CCDC187: variants seen among roughly 807,000 people sequenced by gnomAD.
The protein encoded by CCDC187 is coiled-coil domain-containing protein 187.
A neutral mutation model predicts 38.0 loss-of-function variants in CCDC187; 32 were observed. That is an observed-to-expected ratio of 0.84 (90% confidence interval 0.64 to 1.13). The LOEUF (loss-of-function observed/expected upper bound fraction) is 1.13, where lower values mean the gene tolerates loss of function less well. Ranked by LOEUF, CCDC187 falls within the 50% of genes most tolerant of loss-of-function variation. The pLI is 0.00. For missense variants in CCDC187, 707 were observed against 786.8 expected, an observed-to-expected ratio of 0.90 and a Z score of 1.21; for synonymous variants, 333 against 347.9, an observed-to-expected ratio of 0.96 and a Z score of 0.48.
At position 136,290,020 on chromosome 9, in the gene CCDC187, C is replaced by T. The variant is rs984554678; in HGVS notation, c.2161G>A (p.Val721Met). ...LEASGSLESPVLEWSKVTSGM... is the reference protein window; with the variant it reads ...LEASGSLESPMLEWSKVTSGM... ...GAGGTCACTTTGCTCCATTCCAGCA[C>T]TGGGGACTCCAGGCTCCCGGAGGCT... Residue 721 changes from valine (V) to methionine (M), a missense_variant, in exon 7 of 26, where the codon GTG becomes ATG. By Grantham distance (21) the Val-to-Met change is conservative. Transcript: ENST00000638797. 2.5e-6 allele frequency: 1 copy of T among 398,780 alleles called. No homozygotes were observed. The highest frequency in any genetic ancestry group is 4.4e-6 in the Non-Finnish European group (1 of 226,206). The allele number at this position is 398,780 out of a possible 1,614,324, so 24.7% of individuals were successfully genotyped here. A position where few individuals can be genotyped will look rare whatever the true frequency, so the allele number is the denominator to read the frequency against.
chr9:136,255,599 G>GGGGGACCCTTAGT, intron 25 of CCDC187, 58 bp downstream of exon 25: 1 of 792,346 alleles, frequency 1.3e-6, no homozygotes, highest in Non-Finnish European at 1.5e-6. Context: ...GAAATGGCTT[G>GGGGGACCCTTAGT]GGGGACCCTT....
chr9:136,293,443 T>TCACACATGCTCA lies in CCDC187; in HGVS notation c.833-1160_833-1149dup, dbSNP rs1831422026. On this transcript the variant is annotated intron_variant, in intron 4 of 25. Transcript: ENST00000638797. Reference sequence around the variant, plus strand: ...CACATACTCTCACATGCTCACACACTCACACATGCTCACACTCACACTCAC... The same window carrying TCACACATGCTCA: ...CACATACTCTCACATGCTCACACACTCACACATGCTCACACACATGCTCACACTCACACTCAC... 7.3e-4 allele frequency among the ~76,000 whole-genome samples: 24 copies of TCACACATGCTCA among 32,926 alleles called. 1 individual carries two copies. Among genetic ancestry groups the TCACACATGCTCA allele is most frequent in the East Asian group, 3.1e-3 (2 of 636 alleles). 21.6% of individuals were successfully genotyped at this position (32,926 alleles called of 152,430 possible).
At chr9:136,290,275 A>G (rs1193844198) in intron 6 of CCDC187, among the ~76,000 whole-genome samples, 3 of 151,934 alleles carry the variant, frequency 2.0e-5, no homozygotes, top group Non-Finnish European at 4.4e-5. Context: ...CTGACCCTGC[A>G]CCTCACCAGG....
At chr9:136,284,166 G>A (rs1279567628) in intron 9 of CCDC187, among the ~76,000 whole-genome samples, 2 of 152,046 alleles carry the variant, frequency 1.3e-5, no homozygotes, top group Non-Finnish European at 2.9e-5. Flanking sequence ...CTGGGCTTCG[G>A]GAGAGGGCGC....
At chr9:136,290,391 C>A (rs1459616407) in intron 6 of CCDC187, 95 bp downstream of exon 6, 2 of 397,794 alleles carry the variant, frequency 5.0e-6, no homozygotes, top group Non-Finnish European at 8.8e-6. Context: ...CGGCCACTCC[C>A]TGGAGGACAC....
At chr9:136,267,230 C>T in intron 16 of CCDC187, 154 bp downstream of exon 16, 1 of 285,928 alleles carries the variant, frequency 3.5e-6, no homozygotes, top group Non-Finnish European at 5.2e-6. Flanking sequence ...ACACCTATTA[C>T]TGTTTGGACC....
At chr9:136,263,870 G>C (rs530518825) in intron 17 of CCDC187, 72 bp from the exon 18 acceptor site, 1 of 948,298 alleles carries the variant, frequency 1.1e-6, no homozygotes, top group Non-Finnish European at 1.3e-6. Flanking sequence ...CAAAAGGGAA[G>C]GGGTGTCTGG....
At chr9:136,293,407 A>ACTCACATGCTCACATACT (rs1358551027) in intron 4 of CCDC187, among the ~76,000 whole-genome samples, 1 of 97,782 alleles carries the variant, frequency 1.0e-5, no homozygotes, top group Non-Finnish European at 2.1e-5. Context: ...ACTCACAAAC[A>ACTCACATGCTCACATACT]CTCACATGCT....
chr9:136,293,439 ACACT>A (rs1430956540), intron 4 of CCDC187, among the ~76,000 whole-genome samples: 3 of 25,224 alleles, frequency 1.2e-4, no homozygotes, highest in Non-Finnish European at 2.0e-4. Flanking sequence ...ACATGCTCAC[ACACT>A]CACACATGCT....
At chr9:136,293,360 T>A (rs1191349120) in intron 4 of CCDC187, among the ~76,000 whole-genome samples, 6 of 87,574 alleles carry the variant, frequency 6.9e-5, no homozygotes, top group East Asian at 6.6e-4. Context: ...CTCACACACA[T>A]TCACATGCTC....
Position 136,258,540 on chromosome 9 carries a change from C to CG in CCDC187, c.4366+391dup, listed in dbSNP as rs150213476. The stretch of plus-strand genomic sequence containing the variant: ...ACCTGCAAATTGGGGACTTGGCTCT[C>CG]GGGGGGGGCCCCGGCCAAGTGTAAG... On this transcript the variant is annotated intron_variant, in intron 22 of 25. Transcript: ENST00000638797. The surrounding 1 kb of genome is among the most constrained non-coding windows in gnomAD (Gnocchi z 4.3). Among the ~76,000 whole-genome samples, 3,997 of 151,554 alleles carry CG rather than the reference C, an allele frequency of 0.026. 225 individuals carry two copies. Among genetic ancestry groups the CG allele is most frequent in the East Asian group, 0.23 (1,140 of 5,042 alleles).
At chr9:136,272,488 A>G (rs1406281531) in intron 14 of CCDC187, among the ~76,000 whole-genome samples, 2 of 152,126 alleles carry the variant, frequency 1.3e-5, no homozygotes, top group Non-Finnish European at 2.9e-5. Flanking sequence ...GGATCACCTG[A>G]GGTCAGGACT....
chr9:136,287,560 C>T (rs1831211037), intron 7 of CCDC187, among the ~76,000 whole-genome samples: 1 of 152,190 alleles, frequency 6.6e-6, no homozygotes, highest in African/African-American at 2.4e-5. Flanking sequence ...TTTAGTCAGT[C>T]AGGGAGTTGG....
In CCDC187 at chr9:136,253,576, C is replaced by A; in HGVS notation, c.*18G>T. On this transcript the variant is annotated 3_prime_UTR_variant, in exon 26 of 26. Transcript: ENST00000638797. Reference sequence around the variant, plus strand: ...CAACGCTTCCACCCGGACCAGCCACCCCTGGGCAGAGCCCCAACTACTGGG... The same window carrying A: ...CAACGCTTCCACCCGGACCAGCCACACCTGGGCAGAGCCCCAACTACTGGG... The A allele has an allele frequency of 1.0e-6, 1 of 985,048 alleles. No homozygotes were observed. Among genetic ancestry groups the A allele is most frequent in the Non-Finnish European group, 1.2e-6 (1 of 829,526 alleles). The allele number at this position is 985,048 out of a possible 1,614,324, so 61.0% of individuals were successfully genotyped here.
chr9:136,290,729 C>A lies in CCDC187; in HGVS notation c.1884G>T (p.Gly628=), dbSNP rs888809563. The change falls in exon 6 of 26, where the codon GGG becomes GGT. Residue 628 remains glycine (G), a synonymous_variant. Coordinates refer to ENST00000638797, the MANE Select transcript of CCDC187 (RefSeq NM_001378188.1). ...DTLRPCPRSR[G]LLGPSHSSES... is the part of the protein sequence containing the mutation. Reference sequence around the variant, plus strand: ...CAGAGCTGTGCGAGGGTCCCAGGAGCCCCCGGGACCTGGGGCAGGGCCGCA... The same window carrying A: ...CAGAGCTGTGCGAGGGTCCCAGGAGACCCCGGGACCTGGGGCAGGGCCGCA... 6 of 398,352 alleles carry A rather than the reference C, an allele frequency of 1.5e-5. No individual in the cohort carries two copies. Among genetic ancestry groups the A allele is most frequent in the Non-Finnish European group, 2.7e-5 (6 of 225,936 alleles). 24.7% of individuals were successfully genotyped at this position (398,352 alleles called of 1,614,324 possible).
chr9:136,294,240 G>A (rs1361416503), intron 4 of CCDC187, among the ~76,000 whole-genome samples: 11 of 137,506 alleles, frequency 8.0e-5, no homozygotes, highest in African/African-American at 2.2e-4. Flanking sequence ...ACGCCCTCAC[G>A]TGGTCTCACA....
At chr9:136,284,982 G>T (rs1831139833) in intron 9 of CCDC187, among the ~76,000 whole-genome samples, 1 of 152,130 alleles carries the variant, frequency 6.6e-6, no homozygotes, top group African/African-American at 2.4e-5. Context: ...CCCCCAGGGG[G>T]AGGGAGTTGG....
chr9:136,284,657 C>T (rs1260141073), intron 9 of CCDC187, among the ~76,000 whole-genome samples: 1 of 151,732 alleles, frequency 6.6e-6, no homozygotes, highest in Non-Finnish European at 1.5e-5. Flanking sequence ...TCCCGGCCCA[C>T]ACCAGCAAGA....
At chr9:136,296,043 G>A (rs1831527473) in intron 4 of CCDC187, 1 of 152,270 alleles carries the variant, frequency 6.6e-6, no homozygotes, top group Non-Finnish European at 1.5e-5. Flanking sequence ...CTCTGGGTAT[G>A]GGCACAGAGG....
Sources: gnomAD v4.1 joint callset for allele counts (sites outside exome capture counted in the v4.1 genomes callset) on GRCh38, gnomAD v4.1.1 for gene constraint, Gnocchi (gnomAD v3.1) non-coding constraint, MANE v1.5 for transcripts, NCBI Gene and HGNC (gene_info 2026-07-23, HGNC 2026-07-21) for gene names.